Variants in CEP43 observed in about 807,000 individuals in gnomAD.
CEP43 encodes the protein FGFR1 oncogene partner.
In CEP43, 36 loss-of-function variants were observed where a neutral mutation model predicts 52.6. The observed-to-expected ratio is 0.68, with a 90% confidence interval of 0.52 to 0.90. The LOEUF (loss-of-function observed/expected upper bound fraction) is 0.90. Ranked by LOEUF, CEP43 falls within the 40% of genes least tolerant of loss-of-function variation. The pLI, the probability that CEP43 is intolerant of heterozygous loss-of-function variation, is 0.00. For synonymous variants in CEP43, 192 were observed against 172.4 expected (o/e 1.11, Z -0.89); for missense variants, 506 against 472.8 (o/e 1.07, Z -0.65).
chr6:167,000,630 C>T (rs555153045), intron 2 of CEP43, among the ~76,000 whole-genome samples: 25 of 152,306 alleles, frequency 1.6e-4, no homozygotes, highest in African/African-American at 5.1e-4. Flanking sequence ...AATTTGTCAA[C>T]AAGAATAGAA....
chr6:167,028,533 A>G (rs935420176), intron 10 of CEP43: 1 of 978,628 alleles, frequency 1.0e-6, no homozygotes, highest in Non-Finnish European at 1.2e-6. Flanking sequence ...GGTTGTTTAC[A>G]TTTTAAATAT....
chr6:167,037,601 G>A (rs1478298471), intron 12 of CEP43, among the ~76,000 whole-genome samples: 1 of 152,208 alleles, frequency 6.6e-6, no homozygotes, highest in East Asian at 1.9e-4. Flanking sequence ...CCAAGAGAAA[G>A]GGCAAGGACT....
intron 7 of CEP43, among the ~76,000 whole-genome samples, chr6:167,021,483 C>T (rs1780230177): frequency 6.6e-6 from 1 of 152,184 alleles, no homozygotes; most frequent in South Asian, 2.1e-4. Context: ...CCATAAATGT[C>T]AGCTGCTTTT....
chr6:167,010,535 G>A (rs1001063405), intron 5 of CEP43, among the ~76,000 whole-genome samples: 1 of 152,146 alleles, frequency 6.6e-6, no homozygotes, highest in Non-Finnish European at 1.5e-5. Flanking sequence ...AGTAAATCCT[G>A]GAATGGTAGA....
rs976425586 is a variant in CEP43 at position 167,044,003 on chromosome 6, A to T, written c.*4025A>T. The T allele has an allele frequency of 6.6e-6, 1 of 152,222 alleles. No individual in the cohort carries two copies. Among genetic ancestry groups the T allele is most frequent in the Non-Finnish European group, 1.5e-5 (1 of 68,054 alleles). 9.4% of individuals were successfully genotyped at this position (152,222 alleles called of 1,614,324 possible). A position where few individuals can be genotyped will look rare whatever the true frequency, so the allele number is the denominator to read the frequency against. ...AGTTGATGAGATCATTAGCGCCCTT[A>T]TAGGAGGCCCGGGAGAGCTGCTTTG... On this transcript the variant is annotated 3_prime_UTR_variant, in exon 13 of 13. Transcript: ENST00000366847.
chr6:167,039,984 A>C lies in CEP43; in HGVS notation c.*6A>C. 6.2e-7 allele frequency: 1 copy of C among 1,614,022 alleles called. No homozygotes were observed. The highest frequency in any genetic ancestry group is 1.3e-5 in the African/African-American group (1 of 75,002). On this transcript the variant is annotated 3_prime_UTR_variant, in exon 13 of 13. Coordinates refer to ENST00000366847, the MANE Select transcript of CEP43 (RefSeq NM_007045.4). Reference sequence around the variant, plus strand: ...ATCTGGAAGATGTTGCATAGACACGAAGAAGGAAGTATTCTAATTAACAAG... The same window carrying C: ...ATCTGGAAGATGTTGCATAGACACGCAGAAGGAAGTATTCTAATTAACAAG...
Position 167,013,564 on chromosome 6 carries a change from C to A in CEP43, c.576C>A (p.Asp192Glu), listed in dbSNP as rs1238573786. 4.3e-6 allele frequency: 7 copies of A among 1,613,442 alleles called. No individual in the cohort carries two copies. Among genetic ancestry groups the A allele is most frequent in the African/African-American group, 4.0e-5 (3 of 74,894 alleles). The change falls in exon 7 of 13, where the codon GAC (aspartate) becomes GAA (glutamate). Residue 192 changes from aspartate to glutamate, a missense_variant. Asp to Glu is a conservative substitution (Grantham distance 45). Coordinates refer to ENST00000366847, the MANE Select transcript of CEP43 (RefSeq NM_007045.4). ...KKKTSGQKAG[D>E]KKANDEANQS... is the part of the protein sequence containing the mutation. ...AGACAAGCGGGCAGAAGGCTGGTGA[C>A]AAGGTAACATGCATGAGGGCAGAGG...
intron 2 of CEP43, among the ~76,000 whole-genome samples, chr6:167,000,431 T>A (rs924675610): frequency 2.6e-5 from 4 of 152,240 alleles, no homozygotes; most frequent in Non-Finnish European, 5.9e-5. Flanking sequence ...TTTAGTAAGC[T>A]AATATGTTAT....
intron 10 of CEP43, among the ~76,000 whole-genome samples, chr6:167,031,104 T>A (rs1451950653): frequency 6.6e-6 from 1 of 152,166 alleles, no homozygotes; most frequent in Non-Finnish European, 1.5e-5. Context: ...AATTTTTAAT[T>A]TTTGAGGGGG....
intron 4 of CEP43, 190 bp from the exon 5 acceptor site, chr6:167,004,074 A>T: frequency 1.6e-6 from 1 of 623,720 alleles, no homozygotes; most frequent in Non-Finnish European, 2.7e-6. Context: ...TGCACCTGTT[A>T]ATGGAAACGT....
intron 5 of CEP43, among the ~76,000 whole-genome samples, chr6:167,005,035 T>G (rs1338371093): frequency 6.6e-6 from 1 of 152,228 alleles, no homozygotes; most frequent in Non-Finnish European, 1.5e-5. Context: ...TAATTTTACA[T>G]GAAGATACTC....
rs1247075968 is a variant in CEP43 at position 167,037,685 on chromosome 6, T to TG, written c.1126-2213dup. 4.6e-5 allele frequency among the ~76,000 whole-genome samples: 7 copies of TG among 152,330 alleles called. No individual in the cohort carries two copies. The East Asian group carries it at 1.2e-3, about 25-fold the overall frequency. On this transcript the variant is annotated intron_variant, in intron 12 of 12. Coordinates refer to ENST00000366847, the MANE Select transcript of CEP43 (RefSeq NM_007045.4). ...AAGAATAACAAAATGAGAGGATATG[T>TG]GGGGGGCAGATGAACAGACAAATAA...
intron 2 of CEP43, among the ~76,000 whole-genome samples, chr6:167,001,426 T>C (rs1779733424): frequency 6.6e-6 from 1 of 152,232 alleles, no homozygotes; most frequent in Admixed American, 6.5e-5. Flanking sequence ...GTTTTTTTCC[T>C]TCACAACCTG....
Position 167,013,568 on chromosome 6 carries a change from G to T in CEP43, c.579+1G>T. ...AAGCGGGCAGAAGGCTGGTGACAAG[G>T]TAACATGCATGAGGGCAGAGGAGAA... is the stretch of plus-strand genomic sequence containing the variant. On this transcript the variant is annotated splice_donor_variant, in intron 7 of 12. Transcript: ENST00000366847. LOFTEE classifies it high-confidence loss of function. 6.2e-7 allele frequency: 1 copy of T among 1,613,638 alleles called. No homozygotes were observed. Among genetic ancestry groups the T allele is most frequent in the Non-Finnish European group, 8.5e-7 (1 of 1,179,602 alleles).
chr6:167,034,517 T>C (rs1200888164), intron 12 of CEP43, among the ~76,000 whole-genome samples: 2 of 152,214 alleles, frequency 1.3e-5, no homozygotes, highest in African/African-American at 4.8e-5. Flanking sequence ...AGCTGTAGCA[T>C]TGCAGGGTCA....
intron 7 of CEP43, among the ~76,000 whole-genome samples, chr6:167,021,980 T>C (rs1780243109): frequency 6.6e-6 from 1 of 152,164 alleles, no homozygotes; most frequent in Non-Finnish European, 1.5e-5. Flanking sequence ...ATAATAATGA[T>C]CTCTCCTGAT....
intron 12 of CEP43, chr6:167,036,120 T>C (rs1393362924): frequency 1.0e-6 from 1 of 984,964 alleles, no homozygotes; most frequent in Non-Finnish European, 1.2e-6. Flanking sequence ...CATAGGAAAA[T>C]CAAGATAAAA....
intron 7 of CEP43, among the ~76,000 whole-genome samples, chr6:167,015,672 C>T (rs537204277): frequency 6.6e-6 from 1 of 152,276 alleles, no homozygotes; most frequent in African/African-American, 2.4e-5. Context: ...TGTCCGGTTG[C>T]TTTCGAATGC....
chr6:167,039,970 G>A lies in CEP43; in HGVS notation c.1192G>A (p.Val398Ile), dbSNP rs769272539. 6.2e-6 allele frequency: 10 copies of A among 1,613,764 alleles called. No individual in the cohort carries two copies. Among genetic ancestry groups the A allele is most frequent in the Middle Eastern group, 1.7e-4 (1 of 6,058 alleles). ...TGATGTTGCGGATTATCTGGAAGAT[G>A]TTGCATAGACACGAAGAAGGAAGTA... is the stretch of plus-strand genomic sequence containing the variant. ...LSDVADYLED[V>I]A The change falls in exon 13 of 13, where the codon GTT becomes ATT. Residue 398 changes from valine (V) to isoleucine (I), a missense_variant. Physicochemically the swap from Val to Ile is conservative, Grantham distance 29. Coordinates refer to ENST00000366847, the MANE Select transcript of CEP43 (RefSeq NM_007045.4).
Sources: gnomAD v4.1 joint callset for allele counts (sites outside exome capture counted in the v4.1 genomes callset) on GRCh38, gnomAD v4.1.1 for gene constraint, MANE v1.5 for transcripts, NCBI Gene and HGNC (gene_info 2026-07-23, HGNC 2026-07-21) for gene names.